Variants in SYNPO2 observed in about 807,000 individuals in gnomAD.
SYNPO2 encodes the protein synaptopodin 2, also known as synaptopodin-2.
SYNPO2 carries 56 observed loss-of-function variants against 85.0 expected under a neutral mutation model. The observed-to-expected ratio is 0.66, with a 90% CI of 0.53 to 0.82. The LOEUF (loss-of-function observed/expected upper bound fraction) is 0.82. SYNPO2 is among the 40% of genes least tolerant of loss of function. The pLI, the probability that SYNPO2 is intolerant of heterozygous loss-of-function variation, is 0.00. For missense variants in SYNPO2, 1,575 were observed against 1,534.2 expected (o/e 1.03, Z -0.44); for synonymous variants, 602 against 591.1 (o/e 1.02, Z -0.27).
chr4:119,029,952 G>T lies in SYNPO2; in HGVS notation c.1177G>T (p.Gly393Trp), dbSNP rs1387581447. Residue 393 changes from glycine to tryptophan, a missense_variant, in exon 4 of 5, where the codon GGG (glycine) becomes TGG (tryptophan). Gly to Trp is a radical substitution (Grantham distance 184). Coordinates refer to ENST00000307142, the MANE Select transcript of SYNPO2 (RefSeq NM_133477.3). ...GGATGCTCCCAACCCCAACTCCAAG[G>T]GGGTGTTGATGTTTAAGAAGCGACG... Reference protein sequence around the residue: ...LTDAPNPNSKGVLMFKKRRRR... With the variant: ...LTDAPNPNSKWVLMFKKRRRR... 16 of 1,614,028 alleles carry T rather than the reference G, an allele frequency of 9.9e-6. No homozygotes were observed. The highest frequency in any genetic ancestry group is 1.4e-5 in the Non-Finnish European group (16 of 1,180,016).
At chr4:118,865,202 G>A (rs906669102) in intron 1 of SYNPO2, among the ~76,000 whole-genome samples, 2 of 152,220 alleles carry the variant, frequency 1.3e-5, no homozygotes, top group South Asian at 2.1e-4. Flanking sequence ...GAATAGCTAC[G>A]CACTGGAATC....
chr4:118,895,597 T>C (rs1302989512), intron 1 of SYNPO2, among the ~76,000 whole-genome samples: 1 of 152,154 alleles, frequency 6.6e-6, no homozygotes, highest in Admixed American at 6.5e-5. Flanking sequence ...CATTGGTTCA[T>C]CAAGATACCA....
chr4:118,915,957 C>T (rs1474744835), intron 1 of SYNPO2, among the ~76,000 whole-genome samples: 1 of 152,058 alleles, frequency 6.6e-6, no homozygotes, highest in Non-Finnish European at 1.5e-5. Context: ...TTAAATATCT[C>T]TTCATACATT....
intron 1 of SYNPO2, among the ~76,000 whole-genome samples, chr4:118,904,133 C>T (rs1732851740): frequency 6.6e-6 from 1 of 152,160 alleles, no homozygotes; most frequent in African/African-American, 2.4e-5. Context: ...CCTCAGTTTC[C>T]TCATTTGTAA....
At chr4:119,040,348 C>T (rs1738668419) in intron 4 of SYNPO2, among the ~76,000 whole-genome samples, 2 of 152,184 alleles carry the variant, frequency 1.3e-5, no homozygotes, top group South Asian at 4.1e-4. Flanking sequence ...CACAAGAAAT[C>T]TATTCCCAGG....
chr4:119,042,254 A>G (rs1296859355), intron 4 of SYNPO2: 1 of 135,728 alleles, frequency 7.4e-6, no homozygotes, highest in East Asian at 2.7e-4. Context: ...ACAAAAGACT[A>G]AAGGGGGCCT....
intron 4 of SYNPO2, chr4:119,032,724 T>G (rs79845640): frequency 7.4e-6 from 7 of 948,106 alleles, no homozygotes; most frequent in Non-Finnish European, 8.8e-6. Context: ...AGAAAACTTA[T>G]TTAAAGTAAA....
rs766448251 is a variant in SYNPO2, at chr4:119,027,304, T to C, written c.935T>C (p.Val312Ala). ...GGAAAGGAGTGTGTGGATTCTCCAG[T>C]GGAAGGAGGGCAGTCAGAAGCACCT... ...QAGKECVDSP[V>A]EGGQSEAPPS... The change falls in exon 3 of 5, where the codon GTG (valine) becomes GCG (alanine). Residue 312 changes from valine (V) to alanine (A), a missense_variant. Val to Ala is a moderately conservative substitution (Grantham distance 64). This residue lies in a region of SYNPO2 where 1,508 missense variants were observed against 1,446.8 expected (regional missense o/e 1.04). Transcript: ENST00000307142. 5 of 1,613,938 alleles carry C rather than the reference T, an allele frequency of 3.1e-6. No individual in the cohort carries two copies. The highest frequency in any genetic ancestry group is 4.2e-6 in the Non-Finnish European group (5 of 1,180,004).
chr4:119,035,038 C>T (rs947875724), intron 4 of SYNPO2: 1 of 985,442 alleles, frequency 1.0e-6, no homozygotes, highest in Non-Finnish European at 1.2e-6. Context: ...TTTTCATTGC[C>T]AGCTCAAGAG....
chr4:118,872,194 CA>C (rs1218107486), intron 1 of SYNPO2, among the ~76,000 whole-genome samples: 6 of 152,056 alleles, frequency 3.9e-5, no homozygotes, highest in African/African-American at 1.2e-4. Context: ...GTGGTGAAGT[CA>C]GGGTTTTTAA....
At chr4:119,044,275 C>T (rs543100012) in intron 4 of SYNPO2, among the ~76,000 whole-genome samples, 1 of 152,310 alleles carries the variant, frequency 6.6e-6, no homozygotes, top group East Asian at 1.9e-4. Flanking sequence ...CATGTTTCTC[C>T]TCCAGCAAAA....
At chr4:119,055,157 ATTTTTTTT>A (rs60067505) in intron 4 of SYNPO2, among the ~76,000 whole-genome samples, 1 of 129,446 alleles carries the variant, frequency 7.7e-6, no homozygotes, top group African/African-American at 3.8e-5. Flanking sequence ...TTATTTATTT[ATTTTTTTT>A]TTTTGAGACA....
intron 1 of SYNPO2, among the ~76,000 whole-genome samples, chr4:119,017,162 C>T (rs1420759828): frequency 6.6e-6 from 1 of 152,162 alleles, no homozygotes; most frequent in Non-Finnish European, 1.5e-5. Flanking sequence ...TTTGAATTTA[C>T]ACCTGTCACC....
chr4:118,938,594 A>C (rs189008512), intron 1 of SYNPO2, among the ~76,000 whole-genome samples: 2 of 152,326 alleles, frequency 1.3e-5, no homozygotes, highest in African/African-American at 4.8e-5. Flanking sequence ...GAACAGTGCT[A>C]CAAAAATTGT....
chr4:119,027,197 AGGAGATGCG>A lies in SYNPO2; in HGVS notation c.832_840del (p.Asp278_Gly280del). The A allele has an allele frequency of 6.2e-7, 1 of 1,614,200 alleles. No homozygotes were observed. The highest frequency in any genetic ancestry group is 8.5e-7 in the Non-Finnish European group (1 of 1,180,040). ...TGAGAGTGATCCAGGAAAGTGAAGC[AGGAGATGCG>A]GGACTGCCCCGGGTGGAAGTGATCC... On this transcript the variant is annotated inframe_deletion, in exon 3 of 5. Transcript: ENST00000307142.
At chr4:118,858,800 A>T (rs1004493687) in intron 1 of SYNPO2, among the ~76,000 whole-genome samples, 9 of 152,354 alleles carry the variant, frequency 5.9e-5, no homozygotes, top group East Asian at 1.9e-4. Flanking sequence ...TGCATCTGAG[A>T]CAAAGGTTAT....
chr4:119,027,410 A>G lies in SYNPO2; in HGVS notation c.1041A>G (p.Arg347=), dbSNP rs769539792. The part of the protein sequence containing the change: ...EDPRSEKDHS[R]PHKHRARHAR... ...CACGCTCGGAAAAAGATCACAGCAG[A>G]CCTCACAAGCACCGAGCGCGGCATG... is the stretch of plus-strand genomic sequence containing the variant. The change falls in exon 3 of 5, where the codon AGA becomes AGG. Residue 347 remains arginine, a synonymous_variant. Coordinates refer to ENST00000307142, the MANE Select transcript of SYNPO2 (RefSeq NM_133477.3). 2 of 1,608,406 alleles carry G rather than the reference A, an allele frequency of 1.2e-6. No homozygotes were observed. Among genetic ancestry groups the G allele is most frequent in the East Asian group, 4.5e-5 (2 of 44,692 alleles).
At position 118,888,933 on chromosome 4, in the gene SYNPO2, C is replaced by T. The variant is rs1195823693; in HGVS notation, c.-104C>T. The T allele has an allele frequency of 1.7e-6, 2 of 1,175,638 alleles. No individual in the cohort carries two copies. The highest frequency in any genetic ancestry group is 2.5e-6 in the Non-Finnish European group (2 of 790,748). 72.8% of individuals were successfully genotyped at this position (1,175,638 alleles called of 1,614,324 possible). A position where few individuals can be genotyped will look rare whatever the true frequency, so the allele number is the denominator to read the frequency against. ...CGGCGGACGCTCTGCATTACCCAGTCTTGCGTCCTCGGCAGGCGCCCGAAG... is the reference window on the plus strand; with the variant it reads ...CGGCGGACGCTCTGCATTACCCAGTTTTGCGTCCTCGGCAGGCGCCCGAAG... On this transcript the variant is annotated 5_prime_UTR_variant, in exon 1 of 5. Transcript: ENST00000307142.
intron 1 of SYNPO2, among the ~76,000 whole-genome samples, chr4:119,007,239 T>TATGTATATAC (rs1737081544): frequency 2.3e-5 from 1 of 42,932 alleles, no homozygotes; most frequent in Admixed American, 2.8e-4. Flanking sequence ...TATATATATA[T>TATGTATATAC]ATATATGTAT....
Sources: gnomAD v4.1 joint callset for allele counts (sites outside exome capture counted in the v4.1 genomes callset) on GRCh38, gnomAD v4.1.1 for gene constraint, gnomAD v4.1.1 regional missense constraint, MANE v1.5 for transcripts, NCBI Gene and HGNC (gene_info 2026-07-23, HGNC 2026-07-21) for gene names.